EPB41L4B: variants seen among roughly 807,000 people sequenced by gnomAD.
The protein encoded by EPB41L4B is band 4.1-like protein 4B.
Under a neutral mutation model 112.5 loss-of-function variants are expected in EPB41L4B, and 30 were observed. That is an observed-to-expected ratio of 0.27 (90% confidence interval 0.20 to 0.36). The LOEUF is 0.36. Ranked by LOEUF, EPB41L4B falls within the 10% of genes least tolerant of loss-of-function variation. The pLI is 1.00. For synonymous variants in EPB41L4B, 408 were observed against 439.7 expected (o/e 0.93, Z 0.90); for missense variants, 1,024 against 1,133.3 (o/e 0.90, Z 1.38).
chr9:109,301,370 G>A (rs550348320), intron 1 of EPB41L4B, among the ~76,000 whole-genome samples: 1 of 152,032 alleles, frequency 6.6e-6, no homozygotes, highest in African/African-American at 2.4e-5. Context: ...TTTTGGGGAT[G>A]GTAGTAAATT....
At chr9:109,199,298 A>G (rs1832745331) in intron 20 of EPB41L4B, among the ~76,000 whole-genome samples, 1 of 152,144 alleles carries the variant, frequency 6.6e-6, no homozygotes, top group South Asian at 2.1e-4. Flanking sequence ...CCGTCCTAGT[A>G]TTCATGCCCC....
intron 18 of EPB41L4B, among the ~76,000 whole-genome samples, chr9:109,204,973 C>T (rs931572141): frequency 6.6e-6 from 1 of 152,222 alleles, no homozygotes; most frequent in African/African-American, 2.4e-5. Flanking sequence ...TCAAAACCCT[C>T]TAAACCATGG....
intron 6 of EPB41L4B, among the ~76,000 whole-genome samples, chr9:109,259,205 T>G (rs914476172): frequency 6.6e-6 from 1 of 152,210 alleles, no homozygotes. Context: ...AAGCAAAACC[T>G]GCCTTTTAAC....
chr9:109,210,740 G>A (rs7858370), intron 17 of EPB41L4B, among the ~76,000 whole-genome samples: 25,556 of 152,170 alleles, frequency 0.17, 2,544 homozygotes, highest in African/African-American at 0.26. Flanking sequence ...TGGCAGATAA[G>A]CATCTGGGTT....
Position 109,182,739 on chromosome 9 carries a change from G to A in EPB41L4B, c.2477C>T (p.Pro826Leu), listed in dbSNP as rs1386072601. The change falls in exon 24 of 26, where the codon CCA becomes CTA. Residue 826 changes from proline to leucine, a missense_variant. Coordinates refer to ENST00000374566, the MANE Select transcript of EPB41L4B (RefSeq NM_019114.5). ...NPFPDTFTTG[P>L]QFTADFRDSK... ...TCTGGATCTACTTACAGTAAACTGTGGCCCTGTGGTGAAAGTATCAGGAAA... is the reference window on the plus strand; with the variant it reads ...TCTGGATCTACTTACAGTAAACTGTAGCCCTGTGGTGAAAGTATCAGGAAA... 9.9e-6 allele frequency: 16 copies of A among 1,611,004 alleles called. No individual in the cohort carries two copies. The highest frequency in any genetic ancestry group is 3.3e-5 in the South Asian group (3 of 91,028).
At chr9:109,220,792 C>T (rs10979758) in intron 15 of EPB41L4B, among the ~76,000 whole-genome samples, 21 of 151,650 alleles carry the variant, frequency 1.4e-4, no homozygotes, top group Admixed American at 1.1e-3. Flanking sequence ...TGTGTGTGTG[C>T]GTGTGTGTGT....
intron 19 of EPB41L4B, among the ~76,000 whole-genome samples, chr9:109,201,017 T>A (rs1832805530): frequency 6.6e-6 from 1 of 152,200 alleles, no homozygotes; most frequent in South Asian, 2.1e-4. Flanking sequence ...ATTTCATTTT[T>A]AAAAAATCAG....
chr9:109,244,469 A>G (rs1834474427), intron 14 of EPB41L4B, among the ~76,000 whole-genome samples: 2 of 103,942 alleles, frequency 1.9e-5, no homozygotes, highest in Admixed American at 2.8e-4. Flanking sequence ...TTTTTTTTAC[A>G]GAGTCTCACT....
intron 1 of EPB41L4B, among the ~76,000 whole-genome samples, chr9:109,318,495 AG>A (rs1837719001): frequency 6.6e-6 from 1 of 152,028 alleles, no homozygotes; most frequent in South Asian, 2.1e-4. Context: ...AATCATCCCC[AG>A]GGAACAGATG....
At chr9:109,251,548 G>C (rs1176602864) in intron 12 of EPB41L4B, 37 bp from the exon 13 acceptor site, 1 of 1,595,184 alleles carries the variant, frequency 6.3e-7, no homozygotes, top group African/African-American at 1.3e-5. Flanking sequence ...ACATCTTAGA[G>C]AACTTTATCG....
chr9:109,297,086 T>C (rs749930333), intron 1 of EPB41L4B, among the ~76,000 whole-genome samples: 7 of 151,442 alleles, frequency 4.6e-5, no homozygotes, highest in Non-Finnish European at 7.4e-5. Flanking sequence ...TCCAATCTGA[T>C]TGGATGACAA....
chr9:109,257,222 A>G (rs926977700), intron 7 of EPB41L4B, among the ~76,000 whole-genome samples: 3 of 152,170 alleles, frequency 2.0e-5, no homozygotes, highest in African/African-American at 7.2e-5. Context: ...CTGAGGGATA[A>G]GAGAAAGTCA....
At chr9:109,202,700 T>C (rs1164910871) in intron 19 of EPB41L4B, among the ~76,000 whole-genome samples, 1 of 152,132 alleles carries the variant, frequency 6.6e-6, no homozygotes. Flanking sequence ...CTGGAAGCTT[T>C]AAAGAACATG....
intron 9 of EPB41L4B, 95 bp from the exon 10 acceptor site, chr9:109,255,938 A>T: frequency 1.3e-6 from 1 of 764,258 alleles, no homozygotes; most frequent in African/African-American, 1.8e-5. Flanking sequence ...AGCTTAGACT[A>T]AAAAAAAAAT....
chr9:109,223,835 A>G (rs920910844), intron 15 of EPB41L4B, among the ~76,000 whole-genome samples: 4 of 152,136 alleles, frequency 2.6e-5, no homozygotes, highest in South Asian at 2.1e-4. Context: ...CTTGGCCAAC[A>G]TGGCGAAGCT....
chr9:109,208,000 G>C lies in EPB41L4B; in HGVS notation c.1802C>G (p.Pro601Arg), dbSNP rs1833041646. 8.7e-6 allele frequency: 14 copies of C among 1,614,084 alleles called. No individual in the cohort carries two copies. Among genetic ancestry groups the C allele is most frequent in the Non-Finnish European group, 1.2e-5 (14 of 1,180,044 alleles). The change falls in exon 18 of 26, where the codon CCT becomes CGT. Residue 601 changes from proline to arginine, a missense_variant. Transcript: ENST00000374566. ...CTTCACATGATCCGCAACAGGGGAA[G>C]GCAAAAGTGGAGTCTGAAGAGTTTT... is the stretch of plus-strand genomic sequence containing the variant. ...SEKTLQTPLL[P>R]SPVADHVKCN...
intron 24 of EPB41L4B, among the ~76,000 whole-genome samples, chr9:109,181,287 C>T (rs921985368): frequency 3.3e-5 from 5 of 152,144 alleles, no homozygotes; most frequent in Admixed American, 1.3e-4. Flanking sequence ...CAGGCATGAG[C>T]CACTGTGCCT....
chr9:109,183,174 G>C (rs1426243808), intron 23 of EPB41L4B, among the ~76,000 whole-genome samples: 1 of 152,178 alleles, frequency 6.6e-6, no homozygotes, highest in Non-Finnish European at 1.5e-5. Flanking sequence ...GGTGGCTTCT[G>C]ATGACTTCTC....
At chr9:109,222,154 G>A (rs1041955618) in intron 15 of EPB41L4B, among the ~76,000 whole-genome samples, 4 of 152,082 alleles carry the variant, frequency 2.6e-5, no homozygotes, top group African/African-American at 7.2e-5. Flanking sequence ...TTCATAACAC[G>A]TCAAATAAAA....
Sources: allele counts gnomAD v4.1 joint callset (sites outside exome capture counted in the v4.1 genomes callset), GRCh38; gene constraint gnomAD v4.1.1; transcripts MANE v1.5; gene names NCBI Gene and HGNC (gene_info 2026-07-23, HGNC 2026-07-21).